The following SCFD2 variants were observed in gnomAD, a reference collection of about 807,000 sequenced individuals.
SCFD2 encodes the protein sec1 family domain-containing protein 2.
Under a neutral mutation model 58.9 loss-of-function variants are expected in SCFD2, and 54 were observed. The ratio of observed to expected loss-of-function variants is 0.92; its 90% CI spans 0.74 to 1.15. The LOEUF (loss-of-function observed/expected upper bound fraction) is 1.15. Among genes scored for constraint, SCFD2 ranks in the 50% most tolerant of loss-of-function variants. The pLI is 0.00. For synonymous variants in SCFD2, 321 were observed against 335.9 expected (o/e 0.96, Z 0.49); for missense variants, 805 against 836.6 (o/e 0.96, Z 0.47).
At chr4:52,901,430 T>C (rs1280867888) in intron 7 of SCFD2, among the ~76,000 whole-genome samples, 1 of 152,158 alleles carries the variant, frequency 6.6e-6, no homozygotes, top group Non-Finnish European at 1.5e-5. Context: ...GGCCATAAAA[T>C]ACAATACATC....
At chr4:53,084,445 G>C (rs1724242553) in intron 5 of SCFD2, among the ~76,000 whole-genome samples, 1 of 152,012 alleles carries the variant, frequency 6.6e-6, no homozygotes, top group African/African-American at 2.4e-5. Context: ...ATTTCATACT[G>C]TTCACACATG....
intron 4 of SCFD2, among the ~76,000 whole-genome samples, chr4:53,246,927 A>C (rs1730097566): frequency 6.6e-6 from 1 of 151,720 alleles, no homozygotes; most frequent in Non-Finnish European, 1.5e-5. Flanking sequence ...AGAATGGAAA[A>C]AATTTTTGCA....
chr4:52,966,340 G>T (rs1308514337), intron 5 of SCFD2, among the ~76,000 whole-genome samples: 1 of 152,204 alleles, frequency 6.6e-6, no homozygotes, highest in Non-Finnish European at 1.5e-5. Flanking sequence ...GTAAGCACAG[G>T]TCACTTGATG....
intron 7 of SCFD2, among the ~76,000 whole-genome samples, chr4:52,900,404 C>T (rs1055864093): frequency 6.6e-6 from 1 of 152,190 alleles, no homozygotes; most frequent in Admixed American, 6.5e-5. Flanking sequence ...TTGGAGCTTA[C>T]TGGAGGTCCA....
At chr4:52,929,100 T>C (rs368015713) in intron 5 of SCFD2, among the ~76,000 whole-genome samples, 12 of 152,252 alleles carry the variant, frequency 7.9e-5, no homozygotes, top group African/African-American at 2.9e-4. Flanking sequence ...CTTGTCTATT[T>C]AACAAGCAAA....
At chr4:53,127,853 CCAGA>C (rs1262356232) in intron 5 of SCFD2, among the ~76,000 whole-genome samples, 4 of 151,842 alleles carry the variant, frequency 2.6e-5, no homozygotes, top group Admixed American at 2.6e-4. Flanking sequence ...TCACTTTGGT[CCAGA>C]CAGAGAGGAC....
In SCFD2 at chr4:53,352,673, A is replaced by C; in HGVS notation, c.932T>G (p.Met311Arg). ...PGHTNDVMVN[M>R]IALTALHTEE... Reference sequence around the variant, plus strand: ...AGTATGGAGTGCAGTGAGCGCTATCATGTTAACCATCACATCATTTGTGTG... The same window carrying C: ...AGTATGGAGTGCAGTGAGCGCTATCCTGTTAACCATCACATCATTTGTGTG... Residue 311 changes from methionine (M) to arginine (R), a missense_variant, in exon 2 of 9, where the codon ATG becomes AGG. Physicochemically the swap from Met to Arg is moderately conservative, Grantham distance 91. Around this residue, in one of 3 missense-constraint regions of SCFD2, gnomAD observed 633 missense variants for 646.8 expected, o/e 0.98. Transcript: ENST00000401642. 6.2e-7 allele frequency: 1 copy of C among 1,614,056 alleles called. No homozygotes were observed. The highest frequency in any genetic ancestry group is 8.5e-7 in the Non-Finnish European group (1 of 1,179,898).
chr4:53,344,301 G>A (rs144343833), intron 2 of SCFD2, among the ~76,000 whole-genome samples: 291 of 152,104 alleles, frequency 1.9e-3, no homozygotes, highest in African/African-American at 6.6e-3. Flanking sequence ...TCTATGCACC[G>A]ATAACAGACA....
intron 4 of SCFD2, among the ~76,000 whole-genome samples, chr4:53,203,192 A>T (rs1272421660): frequency 1.3e-5 from 2 of 152,118 alleles, no homozygotes; most frequent in African/African-American, 4.8e-5. Context: ...TTATTTTGAG[A>T]TACATCCCAT....
At chr4:53,255,378 T>A (rs1488764541) in intron 4 of SCFD2, among the ~76,000 whole-genome samples, 1 of 152,104 alleles carries the variant, frequency 6.6e-6, no homozygotes, top group Non-Finnish European at 1.5e-5. Flanking sequence ...AGTGTTTGTG[T>A]CCCTGGGTAC....
At chr4:53,216,154 G>C (rs1391926005) in intron 4 of SCFD2, among the ~76,000 whole-genome samples, 1 of 152,196 alleles carries the variant, frequency 6.6e-6, no homozygotes, top group Admixed American at 6.5e-5. Context: ...GATGATGCTG[G>C]CCTCATAAAA....
intron 5 of SCFD2, among the ~76,000 whole-genome samples, chr4:52,984,410 A>C (rs142727144): frequency 4.6e-5 from 7 of 152,338 alleles, no homozygotes; most frequent in Admixed American, 6.5e-5. Context: ...GTGTTCTATC[A>C]ACACTGCTAT....
At chr4:53,296,746 A>G (rs574779956) in intron 3 of SCFD2, among the ~76,000 whole-genome samples, 12 of 151,994 alleles carry the variant, frequency 7.9e-5, no homozygotes, top group Non-Finnish European at 1.6e-4. Context: ...TCGATTTTAG[A>G]TCTTTCCTGC....
rs1005696381 is a variant in SCFD2, at chr4:52,920,781, G to A, written c.1651C>T (p.Arg551Trp). 6 of 1,610,920 alleles carry A rather than the reference G, an allele frequency of 3.7e-6. No homozygotes were observed. Among genetic ancestry groups the A allele is most frequent in the East Asian group, 2.2e-5 (1 of 44,740 alleles). ...GACTTAAACTGTTTCAGGAGACTCC[G>A]AGCTCCAGCAATATCCCGAAGTGAA... ...FTSLRDIAGA[R>W]SLLKQFKSVY... The change falls in exon 6 of 9, where the codon CGG becomes TGG. Residue 551 changes from arginine to tryptophan, a missense_variant. Around this residue, in one of 3 missense-constraint regions of SCFD2, gnomAD observed 633 missense variants for 646.8 expected, o/e 0.98. Transcript: ENST00000401642.
intron 5 of SCFD2, among the ~76,000 whole-genome samples, chr4:53,026,681 C>T (rs1722481445): frequency 6.6e-6 from 1 of 152,156 alleles, no homozygotes; most frequent in South Asian, 2.1e-4. Flanking sequence ...ACTCTAGGAG[C>T]CAGATCCTTT....
At chr4:52,903,070 T>A (rs946613098) in intron 7 of SCFD2, among the ~76,000 whole-genome samples, 7 of 152,158 alleles carry the variant, frequency 4.6e-5, no homozygotes, top group Admixed American at 3.9e-4. Context: ...CTCTGTGAGG[T>A]CACATTTTTC....
chr4:53,359,665 A>T (rs1260345361), intron 1 of SCFD2, among the ~76,000 whole-genome samples: 1 of 152,204 alleles, frequency 6.6e-6, no homozygotes. Context: ...TCTAAGCCAC[A>T]ATTTGATGTA....
intron 5 of SCFD2, among the ~76,000 whole-genome samples, chr4:52,991,318 A>G (rs1204074542): frequency 6.6e-6 from 1 of 152,194 alleles, no homozygotes; most frequent in Non-Finnish European, 1.5e-5. Flanking sequence ...TCTAAAGAAA[A>G]TTGAAGTAAG....
chr4:53,330,353 G>A lies in SCFD2; in HGVS notation c.1008-16590C>T, dbSNP rs1258564449. 5.9e-5 allele frequency among the ~76,000 whole-genome samples: 9 copies of A among 151,904 alleles called. No homozygotes were observed. In the South Asian group the frequency reaches 1.0e-3, roughly 18 times the overall value. Reference sequence around the variant, plus strand: ...TTCAGGGCAGCCAGAGAGAAAGGTCGGGTTACCCTCAAAGGGAAGCCCATC... The same window carrying A: ...TTCAGGGCAGCCAGAGAGAAAGGTCAGGTTACCCTCAAAGGGAAGCCCATC... On this transcript the variant is annotated intron_variant, in intron 2 of 8. Transcript: ENST00000401642.
Sources: gnomAD v4.1 joint callset for allele counts (sites outside exome capture counted in the v4.1 genomes callset) on GRCh38, gnomAD v4.1.1 for gene constraint, gnomAD v4.1.1 regional missense constraint, MANE v1.5 for transcripts, NCBI Gene and HGNC (gene_info 2026-07-23, HGNC 2026-07-21) for gene names.